The following COP1 variants were observed in gnomAD, a reference collection of about 807,000 sequenced individuals.
The protein encoded by COP1 is E3 ubiquitin-protein ligase COP1.
COP1 carries 24 observed loss-of-function variants against 101.3 expected under a neutral mutation model. That is an observed-to-expected ratio of 0.24 (90% CI 0.17 to 0.33). The LOEUF is 0.33. COP1 is among the 10% of genes least tolerant of loss of function. The probability of loss-of-function intolerance (pLI) is 1.00; values close to 1 mark genes in which losing one functional copy is unlikely to be tolerated. For synonymous variants in COP1, 347 were observed against 341.9 expected (o/e 1.01, Z -0.17); for missense variants, 663 against 906.2 (o/e 0.73, Z 3.45).
chr1:176,199,582 A>G (rs1700067436), intron 1 of COP1, among the ~76,000 whole-genome samples: 1 of 152,212 alleles, frequency 6.6e-6, no homozygotes, highest in East Asian at 1.9e-4. Flanking sequence ...ATAATGGGAT[A>G]ATACTAAGCA....
chr1:176,126,620 C>A (rs181663446), intron 8 of COP1, among the ~76,000 whole-genome samples: 3 of 152,202 alleles, frequency 2.0e-5, no homozygotes, highest in South Asian at 2.1e-4. Context: ...CCATGCCCAG[C>A]CTTCTGTATT....
intron 11 of COP1, among the ~76,000 whole-genome samples, chr1:176,048,725 C>A (rs1671941531): frequency 6.6e-6 from 1 of 152,216 alleles, no homozygotes; most frequent in South Asian, 2.1e-4. Flanking sequence ...ATATACATAG[C>A]TAATCAACAC....
chr1:176,113,392 T>C (rs1685617436), intron 9 of COP1, among the ~76,000 whole-genome samples: 2 of 152,188 alleles, frequency 1.3e-5, no homozygotes, highest in Admixed American at 1.3e-4. Flanking sequence ...AATTGGATTA[T>C]TATTTGTTGC....
At chr1:176,074,176 C>T (rs1048359133) in intron 11 of COP1, among the ~76,000 whole-genome samples, 7 of 152,174 alleles carry the variant, frequency 4.6e-5, no homozygotes, top group African/African-American at 1.7e-4. Context: ...ATCTGCCTGC[C>T]TCGGCCCCGC....
At chr1:176,017,821 A>G (rs1284091430) in intron 15 of COP1, among the ~76,000 whole-genome samples, 1 of 152,026 alleles carries the variant, frequency 6.6e-6, no homozygotes, top group African/African-American at 2.4e-5. Context: ...CACTGTGCCC[A>G]GACTCATTAT....
chr1:175,955,955 T>A (rs532592314), intron 18 of COP1, among the ~76,000 whole-genome samples: 25 of 152,198 alleles, frequency 1.6e-4, no homozygotes, highest in African/African-American at 6.0e-4. Context: ...CAATTCCAAT[T>A]AAAATCATAC....
chr1:176,163,912 A>G, intron 3 of COP1, 21 bp from the exon 4 acceptor site: 1 of 1,498,266 alleles, frequency 6.7e-7, no homozygotes, highest in Non-Finnish European at 9.2e-7. Flanking sequence ...AAACAAAATA[A>G]AAAGCACACA....
chr1:176,076,748 G>C (rs1414063581), intron 11 of COP1, among the ~76,000 whole-genome samples: 1 of 151,970 alleles, frequency 6.6e-6, no homozygotes, highest in Non-Finnish European at 1.5e-5. Flanking sequence ...AAAAAAAAGA[G>C]AAGATCAAAA....
At chr1:176,029,907 C>T (rs926196275) in intron 14 of COP1, among the ~76,000 whole-genome samples, 2 of 152,096 alleles carry the variant, frequency 1.3e-5, no homozygotes, top group South Asian at 2.1e-4. Flanking sequence ...AGCCTTCCCA[C>T]AGTAAACTAA....
chr1:176,119,090 T>C (rs1477920533), intron 8 of COP1, among the ~76,000 whole-genome samples: 1 of 152,226 alleles, frequency 6.6e-6, no homozygotes, highest in African/African-American at 2.4e-5. Context: ...ATGAGTTTAT[T>C]CTGATAAAAT....
intron 2 of COP1, among the ~76,000 whole-genome samples, chr1:176,181,263 T>C (rs777834852): frequency 4.9e-4 from 75 of 152,246 alleles, no homozygotes; most frequent in Non-Finnish European, 8.2e-4. Context: ...GGTAATAATT[T>C]GGATGAGCTT....
intron 6 of COP1, among the ~76,000 whole-genome samples, chr1:176,137,718 A>C (rs569814588): frequency 4.3e-4 from 66 of 152,162 alleles, no homozygotes; most frequent in Non-Finnish European, 8.5e-4. Context: ...ACAGTACCTT[A>C]TTATTAACTC....
chr1:176,068,563 A>G (rs1002107934), intron 11 of COP1, among the ~76,000 whole-genome samples: 1 of 152,208 alleles, frequency 6.6e-6, no homozygotes, highest in African/African-American at 2.4e-5. Flanking sequence ...CAAAGGTCTC[A>G]TTTCATCTTA....
rs1174700907 is a variant in COP1 at position 176,171,124 on chromosome 1, C to CAAAAA, written c.565+4781_565+4785dup. ...TGGGCAACAGAGCGAGACTCCATCT[C>CAAAAA]AAAAAAAAAAAAAAAAAAAAAAAAG... On this transcript the variant is annotated intron_variant, in intron 3 of 19. Transcript: ENST00000367669. Among the ~76,000 whole-genome samples the CAAAAA allele has an allele frequency of 6.5e-4, 37 of 56,764 alleles. 1 individual carries two copies. Among genetic ancestry groups the CAAAAA allele is most frequent in the Non-Finnish European group, 7.7e-4 (24 of 31,162 alleles). The allele number at this position is 56,764 out of a possible 152,430, so 37.2% of individuals were successfully genotyped here.
intron 11 of COP1, among the ~76,000 whole-genome samples, chr1:176,067,196 A>T (rs1676143194): frequency 6.6e-6 from 1 of 152,184 alleles, no homozygotes; most frequent in African/African-American, 2.4e-5. Context: ...GTGTCAATGT[A>T]GGTACAAATT....
intron 15 of COP1, among the ~76,000 whole-genome samples, chr1:176,006,486 T>C (rs980021330): frequency 1.2e-4 from 19 of 152,320 alleles, no homozygotes; most frequent in African/African-American, 2.6e-4. Context: ...GTGGCTGGTA[T>C]GGGTTGTTCC....
At chr1:176,197,625 C>T (rs891492915) in intron 1 of COP1, among the ~76,000 whole-genome samples, 2 of 152,130 alleles carry the variant, frequency 1.3e-5, no homozygotes, top group Non-Finnish European at 2.9e-5. Flanking sequence ...ACCAGTATCA[C>T]TCACTAATAA....
intron 8 of COP1, among the ~76,000 whole-genome samples, chr1:176,122,475 TAAGG>T (rs1283404295): frequency 6.6e-6 from 1 of 152,162 alleles, no homozygotes; most frequent in Non-Finnish European, 1.5e-5. Flanking sequence ...TAGGTTTACT[TAAGG>T]AATGCAAGGT....
At chr1:176,027,901 A>T (rs867021286) in intron 14 of COP1, among the ~76,000 whole-genome samples, 2 of 486 alleles carry the variant, frequency 4.1e-3, no homozygotes, top group South Asian at 0.33. Flanking sequence ...TAATTTATTA[A>T]AAAAAAAAAA....
Sources: allele counts gnomAD v4.1 joint callset (sites outside exome capture counted in the v4.1 genomes callset), GRCh38; gene constraint gnomAD v4.1.1; transcripts MANE v1.5; gene names NCBI Gene and HGNC (gene_info 2026-07-23, HGNC 2026-07-21).